The following TPD52 variants were observed in gnomAD, a reference collection of about 807,000 sequenced individuals.
The protein encoded by TPD52 is prostate and colon associated protein.
A neutral mutation model predicts 31.3 loss-of-function variants in TPD52; 17 were observed. The observed-to-expected ratio is 0.54, with a 90% confidence interval of 0.37 to 0.82. The LOEUF (loss-of-function observed/expected upper bound fraction) is 0.82. Among genes scored for constraint, TPD52 ranks in the 40% least tolerant of loss-of-function variants. The pLI, the probability that TPD52 is intolerant of heterozygous loss-of-function variation, is 0.00. For missense variants in TPD52, 212 were observed against 240.1 expected (o/e 0.88, Z 0.77); for synonymous variants, 83 against 89.6 (o/e 0.93, Z 0.42).
chr8:80,067,769 CT>C (rs1451506216), intron 1 of TPD52, among the ~76,000 whole-genome samples: 1 of 151,350 alleles, frequency 6.6e-6, no homozygotes, highest in Non-Finnish European at 1.5e-5. Context: ...TAATAAGACC[CT>C]AAAAAGTGAA....
intron 1 of TPD52, among the ~76,000 whole-genome samples, chr8:80,145,040 T>A (rs1298025121): frequency 6.6e-6 from 1 of 152,238 alleles, no homozygotes; most frequent in Non-Finnish European, 1.5e-5. Context: ...AATGAGCAAC[T>A]AACTCAGGCT....
intron 1 of TPD52, among the ~76,000 whole-genome samples, chr8:80,066,036 A>AC (rs1813109864): frequency 6.8e-6 from 1 of 146,480 alleles, no homozygotes; most frequent in Non-Finnish European, 1.5e-5. Context: ...GTTCCCTGCT[A>AC]CCCCCCAGGA....
At chr8:80,100,518 C>T (rs1013331599) in intron 1 of TPD52, among the ~76,000 whole-genome samples, 7 of 152,194 alleles carry the variant, frequency 4.6e-5, no homozygotes, top group Non-Finnish European at 1.0e-4. Context: ...TTCATACTGG[C>T]TGCTGGATAA....
intron 1 of TPD52, among the ~76,000 whole-genome samples, chr8:80,140,694 T>C (rs964839258): frequency 6.6e-6 from 1 of 151,536 alleles, no homozygotes; most frequent in Non-Finnish European, 1.5e-5. Flanking sequence ...TTTATATGAA[T>C]TGGTTGAAGG....
At chr8:80,165,646 C>T (rs1460743143) in intron 1 of TPD52, among the ~76,000 whole-genome samples, 1 of 152,192 alleles carries the variant, frequency 6.6e-6, no homozygotes, top group East Asian at 1.9e-4. Context: ...CCAAAGAAAT[C>T]TGCATAAAGA....
intron 1 of TPD52, among the ~76,000 whole-genome samples, chr8:80,088,020 A>G (rs185820739): frequency 1.3e-5 from 2 of 152,186 alleles, no homozygotes; most frequent in Admixed American, 6.5e-5. Context: ...GCCTCTCCCT[A>G]TTTTTCAGAG....
intron 1 of TPD52, among the ~76,000 whole-genome samples, chr8:80,098,111 A>G (rs566615182): frequency 1.3e-5 from 2 of 152,350 alleles, no homozygotes; most frequent in East Asian, 3.9e-4. Context: ...GCTCAGATAA[A>G]GATTTCTTTT....
chr8:80,161,244 G>A (rs1252692413), intron 1 of TPD52, among the ~76,000 whole-genome samples: 1 of 152,072 alleles, frequency 6.6e-6, no homozygotes, highest in South Asian at 2.1e-4. Context: ...CCTGCCTTAG[G>A]AGCAAAGTAC....
intron 1 of TPD52, among the ~76,000 whole-genome samples, chr8:80,115,010 C>A (rs770287161): frequency 1.3e-5 from 2 of 152,188 alleles, no homozygotes; most frequent in African/African-American, 4.8e-5. Context: ...CATCTGTACA[C>A]AAAGAATAGC....
chr8:80,126,485 T>TA (rs1173207957), intron 1 of TPD52, among the ~76,000 whole-genome samples: 1 of 148,038 alleles, frequency 6.8e-6, no homozygotes, highest in Non-Finnish European at 1.5e-5. Flanking sequence ...TATAATTTTT[T>TA]TTTTTTTTTT....
intron 1 of TPD52, among the ~76,000 whole-genome samples, chr8:80,129,665 A>ATCC (rs1364141647): frequency 2.0e-5 from 3 of 150,368 alleles, no homozygotes; most frequent in Non-Finnish European, 4.4e-5. Flanking sequence ...GAACCGTGGC[A>ATCC]TCCTCCCCCG....
At chr8:80,162,737 A>G (rs1327631346) in intron 1 of TPD52, among the ~76,000 whole-genome samples, 1 of 152,208 alleles carries the variant, frequency 6.6e-6, no homozygotes, top group Non-Finnish European at 1.5e-5. Flanking sequence ...TATATAAAAA[A>G]GTCGTACAAC....
At chr8:80,127,200 T>C (rs1159323163) in intron 1 of TPD52, among the ~76,000 whole-genome samples, 1 of 152,182 alleles carries the variant, frequency 6.6e-6, no homozygotes, top group Non-Finnish European at 1.5e-5. Flanking sequence ...AACAATCAAT[T>C]GACTCATCAG....
chr8:80,143,668 A>G lies in TPD52; in HGVS notation c.19+27757T>C, dbSNP rs550798232. On this transcript the variant is annotated intron_variant, in intron 1 of 7. Coordinates refer to ENST00000518937, the MANE Select transcript of TPD52 (RefSeq NM_001025253.3). ...TTAACAAAATGTCCATCATTTTAAA[A>G]GCGACCAACTGATCAATCAAAAATT... 7.9e-5 allele frequency among the ~76,000 whole-genome samples: 12 copies of G among 152,356 alleles called. No individual in the cohort carries two copies. The South Asian group carries it at 1.2e-3, about 16-fold the overall frequency.
intron 1 of TPD52, among the ~76,000 whole-genome samples, chr8:80,142,615 T>A (rs61106905): frequency 0.4 from 59,999 of 151,706 alleles, 12,308 homozygotes; most frequent in East Asian, 0.71. Context: ...GGCACAAGAA[T>A]TGCTTGAACC....
At chr8:80,110,219 G>A (rs964847717) in intron 1 of TPD52, among the ~76,000 whole-genome samples, 2 of 152,072 alleles carry the variant, frequency 1.3e-5, no homozygotes, top group Non-Finnish European at 2.9e-5. Context: ...CTTTAACTAA[G>A]AAGCTAAGTC....
At chr8:80,167,757 T>C (rs1215660382) in intron 1 of TPD52, among the ~76,000 whole-genome samples, 2 of 152,224 alleles carry the variant, frequency 1.3e-5, no homozygotes, top group Admixed American at 6.5e-5. Context: ...TTTTGAAGCC[T>C]TTCCTCTCTA....
intron 1 of TPD52, among the ~76,000 whole-genome samples, chr8:80,069,640 T>C (rs1027456895): frequency 4.0e-5 from 6 of 151,228 alleles, no homozygotes; most frequent in African/African-American, 1.5e-4. Flanking sequence ...AAAATAATTT[T>C]TAAAAAAGAT....
At position 80,072,037 on chromosome 8, in the gene TPD52, G is replaced by A. The variant is rs547702832; in HGVS notation, c.20-7444C>T. On this transcript the variant is annotated intron_variant, in intron 1 of 7. Coordinates refer to ENST00000518937, the MANE Select transcript of TPD52 (RefSeq NM_001025253.3). Reference sequence around the variant, plus strand: ...GTTTTTTAAGAAATGTAGGCCGGGCGCGGTGGCTCACGCCTGTAATCCCAG... The same window carrying A: ...GTTTTTTAAGAAATGTAGGCCGGGCACGGTGGCTCACGCCTGTAATCCCAG... 6.4e-4 allele frequency among the ~76,000 whole-genome samples: 98 copies of A among 152,220 alleles called. 2 individuals are homozygous for A. The South Asian group carries it at 0.016, about 25-fold the overall frequency.
Sources: gnomAD v4.1 joint callset for allele counts (sites outside exome capture counted in the v4.1 genomes callset) on GRCh38, gnomAD v4.1.1 for gene constraint, MANE v1.5 for transcripts, NCBI Gene and HGNC (gene_info 2026-07-23, HGNC 2026-07-21) for gene names.